KANSL1L: variants seen among roughly 807,000 people sequenced by gnomAD.
KANSL1L encodes the protein KAT8 regulatory NSL complex subunit 1-like protein.
A neutral mutation model predicts 108.6 loss-of-function variants in KANSL1L; 25 were observed. The ratio of observed to expected loss-of-function variants is 0.23; its 90% confidence interval spans 0.17 to 0.32. The LOEUF (loss-of-function observed/expected upper bound fraction) is 0.32. Ranked by LOEUF, KANSL1L falls within the 10% of genes least tolerant of loss-of-function variation. KANSL1L has a pLI of 1.00. For missense variants in KANSL1L, 1,137 were observed against 1,125.7 expected, an observed-to-expected ratio of 1.01 and a Z score of -0.14; for synonymous variants, 405 against 395.1, an observed-to-expected ratio of 1.03 and a Z score of -0.30.
chr2:210,103,207 T>C (rs1214526502), intron 4 of KANSL1L, among the ~76,000 whole-genome samples: 2 of 151,376 alleles, frequency 1.3e-5, no homozygotes, highest in Non-Finnish European at 2.9e-5. Flanking sequence ...CTGAGCAAAC[T>C]ATCACAAGGA....
At chr2:210,038,260 G>A (rs181698064) in intron 8 of KANSL1L, among the ~76,000 whole-genome samples, 1 of 152,060 alleles carries the variant, frequency 6.6e-6, no homozygotes, top group East Asian at 1.9e-4. Flanking sequence ...TCAGAATGCA[G>A]GGTTAACAGT....
At chr2:210,126,304 G>A (rs2095065199) in intron 3 of KANSL1L, among the ~76,000 whole-genome samples, 1 of 152,126 alleles carries the variant, frequency 6.6e-6, no homozygotes, top group East Asian at 1.9e-4. Context: ...ATTGCTGAAA[G>A]AAATTAAAGA....
intron 5 of KANSL1L, among the ~76,000 whole-genome samples, chr2:210,086,645 T>C (rs563261673): frequency 8.5e-5 from 13 of 152,088 alleles, no homozygotes; most frequent in Non-Finnish European, 1.8e-4. Context: ...GGACAGATCA[T>C]TACCATTAAT....
At chr2:210,118,535 G>C (rs2094980709) in intron 3 of KANSL1L, among the ~76,000 whole-genome samples, 1 of 151,060 alleles carries the variant, frequency 6.6e-6, no homozygotes, top group African/African-American at 2.4e-5. Flanking sequence ...AATGAGTAAG[G>C]AGATTAAATC....
rs1271349050 is a variant in KANSL1L, at chr2:210,044,787, T to G, written c.1756-683A>C. On this transcript the variant is annotated intron_variant, in intron 6 of 14. Coordinates refer to ENST00000281772, the MANE Select transcript of KANSL1L (RefSeq NM_152519.4). The surrounding 1 kb of genome is among the most constrained non-coding windows in gnomAD (Gnocchi z 4.2). ...CAGATTTTATTTTTTATTTTATTTT[T>G]TTGAGACAGTCTCGCTCTGTTGCTC... Among the ~76,000 whole-genome samples the G allele has an allele frequency of 6.6e-6, 1 of 152,214 alleles. No homozygotes were observed. The highest frequency in any genetic ancestry group is 1.5e-5 in the Non-Finnish European group (1 of 68,044).
chr2:210,074,365 G>C (rs1218624789), intron 6 of KANSL1L, among the ~76,000 whole-genome samples: 2 of 151,866 alleles, frequency 1.3e-5, no homozygotes, highest in Non-Finnish European at 2.9e-5. Flanking sequence ...CTGACTTCTG[G>C]CTCACAAAAG....
At chr2:210,119,054 C>T (rs535506647) in intron 3 of KANSL1L, among the ~76,000 whole-genome samples, 8 of 151,850 alleles carry the variant, frequency 5.3e-5, no homozygotes, top group South Asian at 2.1e-4. Context: ...CATGGTGGCG[C>T]GCACCTGTAG....
At chr2:210,156,457 T>C (rs541807354) in intron 1 of KANSL1L, among the ~76,000 whole-genome samples, 1 of 152,024 alleles carries the variant, frequency 6.6e-6, no homozygotes, top group East Asian at 1.9e-4. Context: ...GAGAATAAAA[T>C]GTGATGGAAT....
intron 6 of KANSL1L, among the ~76,000 whole-genome samples, chr2:210,065,253 T>C (rs1261754743): frequency 8.4e-6 from 1 of 119,364 alleles, no homozygotes; most frequent in Admixed American, 1.2e-4. Flanking sequence ...ATCGCACCAC[T>C]GTACTCCAGC....
intron 8 of KANSL1L, among the ~76,000 whole-genome samples, chr2:210,039,185 A>G (rs2125173394): frequency 6.6e-6 from 1 of 151,924 alleles, no homozygotes; most frequent in South Asian, 2.1e-4. Context: ...TTCCAATAAT[A>G]CCTCTGATTC....
chr2:210,143,353 T>C (rs890031107), intron 2 of KANSL1L, among the ~76,000 whole-genome samples: 1 of 152,120 alleles, frequency 6.6e-6, no homozygotes, highest in African/African-American at 2.4e-5. Context: ...AGTGAGTCTC[T>C]CACAGGGCAC....
chr2:210,156,743 G>A (rs973658711), intron 1 of KANSL1L, among the ~76,000 whole-genome samples: 1 of 151,882 alleles, frequency 6.6e-6, no homozygotes, highest in African/African-American at 2.4e-5. Context: ...ATAGTTCAAG[G>A]GGATTTGCAT....
intron 8 of KANSL1L, among the ~76,000 whole-genome samples, chr2:210,033,365 G>C (rs566208570): frequency 1.3e-5 from 2 of 152,270 alleles, no homozygotes; most frequent in South Asian, 4.1e-4. Context: ...TAAAATGTAT[G>C]TGTGTGTTAA....
At chr2:210,122,943 G>A (rs1471745517) in intron 3 of KANSL1L, among the ~76,000 whole-genome samples, 1 of 152,126 alleles carries the variant, frequency 6.6e-6, no homozygotes, top group Non-Finnish European at 1.5e-5. Flanking sequence ...ATGAAAAAGT[G>A]CTCAACATTG....
intron 12 of KANSL1L, among the ~76,000 whole-genome samples, chr2:210,026,026 G>A (rs1184283825): frequency 6.6e-6 from 1 of 152,140 alleles, no homozygotes; most frequent in African/African-American, 2.4e-5. Context: ...TCAGATAAAA[G>A]TAAAACTAAT....
intron 3 of KANSL1L, among the ~76,000 whole-genome samples, chr2:210,123,303 A>G (rs765836731): frequency 2.9e-4 from 44 of 152,192 alleles, no homozygotes; most frequent in Non-Finnish European, 5.7e-4. Flanking sequence ...AGACAAATGG[A>G]TAAAGAAAAT....
chr2:210,102,675 T>C (rs1287944322), intron 4 of KANSL1L, among the ~76,000 whole-genome samples: 2 of 152,146 alleles, frequency 1.3e-5, no homozygotes, highest in East Asian at 3.9e-4. Flanking sequence ...TAGACACTTC[T>C]CAAGAGAAGA....
chr2:210,156,465 A>T (rs922781865), intron 1 of KANSL1L, among the ~76,000 whole-genome samples: 1 of 152,176 alleles, frequency 6.6e-6, no homozygotes, highest in East Asian at 1.9e-4. Flanking sequence ...AATGTGATGG[A>T]ATACTATATT....
At position 210,171,288 on chromosome 2, in the gene KANSL1L, C is replaced by G. The variant is rs1433859078; in HGVS notation, c.-169G>C. On this transcript the variant is annotated 5_prime_UTR_variant, in exon 1 of 15. Transcript: ENST00000281772. ...CTCGTCTCCAGAGCGCGCCCCGCTC[C>G]CGCCCCGGCCGCCGCCGCCGCCGCC... 5.7e-6 allele frequency: 1 copy of G among 174,650 alleles called. No homozygotes were observed. The highest frequency in any genetic ancestry group is 1.1e-5 in the Non-Finnish European group (1 of 89,904). The allele number at this position is 174,650 out of a possible 1,614,324, so 10.8% of individuals were successfully genotyped here. A position where few individuals can be genotyped will look rare whatever the true frequency, so the allele number is the denominator to read the frequency against.
Sources: gnomAD v4.1 joint callset for allele counts (sites outside exome capture counted in the v4.1 genomes callset) on GRCh38, gnomAD v4.1.1 for gene constraint, Gnocchi (gnomAD v3.1) non-coding constraint, MANE v1.5 for transcripts, NCBI Gene and HGNC (gene_info 2026-07-23, HGNC 2026-07-21) for gene names.